Variants in GLI2 observed in about 807,000 individuals in gnomAD.
The protein encoded by GLI2 is GLI family zinc finger 2.
Under a neutral mutation model 78.9 loss-of-function variants are expected in GLI2, and 22 were observed. The observed-to-expected ratio is 0.28, with a 90% CI of 0.20 to 0.40. The LOEUF is 0.40. Ranked by LOEUF, GLI2 falls within the 10% of genes least tolerant of loss-of-function variation. The probability of loss-of-function intolerance (pLI) is 1.00; values close to 1 mark genes in which losing one functional copy is unlikely to be tolerated. For missense variants in GLI2, 2,097 were observed against 2,213.2 expected (o/e 0.95, Z 1.05); for synonymous variants, 974 against 963.7 (o/e 1.01, Z -0.20).
Position 120,990,414 on chromosome 2 carries a change from G to A in GLI2, c.4449G>A (p.Val1483=), listed in dbSNP as rs1683239976. 6.2e-7 allele frequency: 1 copy of A among 1,614,052 alleles called. No individual in the cohort carries two copies. Residue 1483 remains valine (V), a synonymous_variant, in exon 14 of 14, where the codon GTG becomes GTA. Transcript: ENST00000361492. Reference sequence around the variant, plus strand: ...GGGTCAACCAGGTGTCCAGCACTGTGGACTCCCAGCTCCTGGAGGCCCCCC... The same window carrying A: ...GGGTCAACCAGGTGTCCAGCACTGTAGACTCCCAGCTCCTGGAGGCCCCCC... ...SPGVNQVSST[V]DSQLLEAPQI...
chr2:120,771,964 C>T (rs1173580242), intron 1 of GLI2, among the ~76,000 whole-genome samples: 2 of 152,190 alleles, frequency 1.3e-5, no homozygotes, highest in African/African-American at 2.4e-5. Context: ...TCCCTGCTGT[C>T]AGGCCATCCT....
At chr2:120,943,670 G>A (rs1267996197) in intron 3 of GLI2, among the ~76,000 whole-genome samples, 1 of 152,214 alleles carries the variant, frequency 6.6e-6, no homozygotes, top group Non-Finnish European at 1.5e-5. Context: ...ACATGAAGGA[G>A]CTGTTCCTGC....
chr2:120,866,576 C>T (rs1688143969), intron 2 of GLI2: 1 of 152,120 alleles, frequency 6.6e-6, no homozygotes, highest in Non-Finnish European at 1.5e-5. Flanking sequence ...CTCCCCACCC[C>T]ATTATGTCTC....
At chr2:120,742,418 A>G (rs753111223) in intron 1 of GLI2, among the ~76,000 whole-genome samples, 1 of 152,170 alleles carries the variant, frequency 6.6e-6, no homozygotes, top group Non-Finnish European at 1.5e-5. Flanking sequence ...CCACATTTAT[A>G]AGGAACTGTA....
rs755954458 is a variant in GLI2 at position 120,990,311 on chromosome 2, G to A, written c.4346G>A (p.Cys1449Tyr). The change falls in exon 14 of 14, where the codon TGC becomes TAC. Residue 1449 changes from cysteine (C) to tyrosine (Y), a missense_variant. Transcript: ENST00000361492. ...QDGGLENLGS[C>Y]QVMRSQPPQP... ...GGAGGCCTGGAGAACCTCGGGAGCT[G>A]CCAGGTCATGCGGTCCCAGCCACCA... 3.7e-6 allele frequency: 6 copies of A among 1,613,738 alleles called. No individual in the cohort carries two copies. In the Middle Eastern group the frequency reaches 4.9e-4, roughly 133 times the overall value.
intron 2 of GLI2, among the ~76,000 whole-genome samples, chr2:120,905,303 C>T (rs1573573497): frequency 6.6e-6 from 1 of 152,234 alleles, no homozygotes; most frequent in East Asian, 1.9e-4. Flanking sequence ...ACGGGGCGCC[C>T]CACAGCATCA....
At chr2:120,780,782 C>T (rs561927470) in intron 1 of GLI2, among the ~76,000 whole-genome samples, 72 of 152,328 alleles carry the variant, frequency 4.7e-4, no homozygotes, top group Non-Finnish European at 9.0e-4. Context: ...GTCTGATGCA[C>T]GTTTATTGGA....
intron 5 of GLI2, among the ~76,000 whole-genome samples, chr2:120,960,703 G>A (rs1681510612): frequency 6.6e-6 from 1 of 152,232 alleles, no homozygotes; most frequent in Non-Finnish European, 1.5e-5. Context: ...CACTGCAGTG[G>A]TGGAAGAAAG....
intron 2 of GLI2, among the ~76,000 whole-genome samples, chr2:120,894,904 G>A (rs1218314440): frequency 2.0e-5 from 3 of 152,168 alleles, no homozygotes; most frequent in Non-Finnish European, 2.9e-5. Flanking sequence ...TCACCATGTT[G>A]ACCAGGCTTG....
At chr2:120,793,815 C>A (rs1684257932) in intron 1 of GLI2, among the ~76,000 whole-genome samples, 1 of 152,218 alleles carries the variant, frequency 6.6e-6, no homozygotes, top group Non-Finnish European at 1.5e-5. Flanking sequence ...TCTGGAGCGA[C>A]CACGCCCTGA....
intron 2 of GLI2, among the ~76,000 whole-genome samples, chr2:120,894,111 A>G (rs1352353284): frequency 2.0e-5 from 3 of 152,180 alleles, no homozygotes; most frequent in Admixed American, 6.5e-5. Context: ...GCTTTGTGGC[A>G]GCTCCAGCTG....
intron 1 of GLI2, among the ~76,000 whole-genome samples, chr2:120,754,827 G>A (rs1216825755): frequency 2.6e-5 from 4 of 151,736 alleles, no homozygotes; most frequent in African/African-American, 9.7e-5. Context: ...GTCTGGGCCA[G>A]AGGGTTGGTA....
intron 2 of GLI2, among the ~76,000 whole-genome samples, chr2:120,822,686 A>AC (rs1460855016): frequency 2.0e-5 from 3 of 152,178 alleles, no homozygotes; most frequent in Non-Finnish European, 4.4e-5. Context: ...ACATGTTAGT[A>AC]TGTTTCTTTC....
At chr2:120,890,911 T>A (rs1677651421) in intron 2 of GLI2, among the ~76,000 whole-genome samples, 1 of 152,180 alleles carries the variant, frequency 6.6e-6, no homozygotes, top group Non-Finnish European at 1.5e-5. Flanking sequence ...AGGATGTGTG[T>A]CCTCCAGTTC....
At position 120,955,311 on chromosome 2, in the gene GLI2, A is replaced by G. The variant is rs768057626; in HGVS notation, c.524A>G (p.Asp175Gly). The G allele has an allele frequency of 6.2e-7, 1 of 1,612,670 alleles. No homozygotes were observed. The highest frequency in any genetic ancestry group is 8.5e-7 in the Non-Finnish European group (1 of 1,179,046). Residue 175 changes from aspartate to glycine, a missense_variant, in exon 5 of 14, where the codon GAC (aspartate) becomes GGC (glycine). This residue lies in a region of GLI2 where 578 missense variants were observed against 612.0 expected (regional missense o/e 0.94). Coordinates refer to ENST00000361492, the MANE Select transcript of GLI2 (RefSeq NM_001374353.1). ...GLPAPGTTPS[D>G]YYHQMTLVAG... is the part of the protein sequence containing the mutation. ...CCTGCTCCAGGCACCACCCCCTCAG[A>G]CTATTACCACCAGATGACCCTCGTG...
intron 5 of GLI2, among the ~76,000 whole-genome samples, chr2:120,963,607 T>C (rs1558919185): frequency 6.6e-6 from 1 of 151,730 alleles, no homozygotes; most frequent in Non-Finnish European, 1.5e-5. Flanking sequence ...TGTGTCCACC[T>C]GGGGTGTGTG....
intron 2 of GLI2, among the ~76,000 whole-genome samples, chr2:120,822,750 A>G (rs78830075): frequency 0.018 from 2,689 of 152,202 alleles, 87 homozygotes; most frequent in African/African-American, 0.062. Flanking sequence ...TCAATTAAGG[A>G]CGTTAAAATA....
At chr2:120,968,976 AGGCGCTGGCTTTTCAGTG>A (rs1391119621) in intron 6 of GLI2, 61 bp downstream of exon 6, 2 of 1,359,088 alleles carry the variant, frequency 1.5e-6, no homozygotes, top group African/African-American at 2.8e-5. Context: ...CCCGGTGGGG[AGGCGCTGGCTTTTCAGTG>A]GGCGCTTTTG....
intron 3 of GLI2, among the ~76,000 whole-genome samples, chr2:120,935,252 C>T (rs1009462336): frequency 2.2e-4 from 34 of 152,206 alleles, no homozygotes; most frequent in African/African-American, 8.2e-4. Context: ...CACGTGGGTC[C>T]ACACTGCCTC....
Sources: gnomAD v4.1 joint callset for allele counts (sites outside exome capture counted in the v4.1 genomes callset) on GRCh38, gnomAD v4.1.1 for gene constraint, gnomAD v4.1.1 regional missense constraint, MANE v1.5 for transcripts, NCBI Gene and HGNC (gene_info 2026-07-23, HGNC 2026-07-21) for gene names.